The following CPAMD8 variants were observed in gnomAD, a reference collection of about 807,000 sequenced individuals.
CPAMD8 encodes the protein C3 and PZP like alpha-2-macroglobulin domain containing 8.
A neutral mutation model predicts 224.7 loss-of-function variants in CPAMD8; 146 were observed. The observed-to-expected ratio is 0.65, with a 90% CI of 0.57 to 0.75. The LOEUF (loss-of-function observed/expected upper bound fraction) is 0.75, where lower values mean the gene tolerates loss of function less well. Ranked by LOEUF, CPAMD8 falls within the 30% of genes least tolerant of loss-of-function variation. The pLI is 0.00. For synonymous variants in CPAMD8, 966 were observed against 1,044.6 expected, an observed-to-expected ratio of 0.92 and a Z score of 1.45; for missense variants, 2,301 against 2,537.5, an observed-to-expected ratio of 0.91 and a Z score of 2.00.
intron 19 of CPAMD8, among the ~76,000 whole-genome samples, chr19:16,956,130 C>T (rs138087301): frequency 6.6e-6 from 1 of 152,186 alleles, no homozygotes; most frequent in Non-Finnish European, 1.5e-5. Flanking sequence ...ATCCCAAATC[C>T]CTGGCTCTCC....
chr19:16,974,433 C>G (rs1456315681), intron 17 of CPAMD8, among the ~76,000 whole-genome samples: 3 of 151,668 alleles, frequency 2.0e-5, no homozygotes, highest in Non-Finnish European at 4.4e-5. Context: ...TGCTTGAAAG[C>G]TGCCAGACAC....
intron 12 of CPAMD8, 143 bp from the exon 13 acceptor site, chr19:16,989,914 G>A: frequency 1.3e-6 from 1 of 771,062 alleles, no homozygotes; most frequent in Non-Finnish European, 2.2e-6. Flanking sequence ...CCAATCCTCA[G>A]GGAGTAATAG....
rs190913315 is a variant in CPAMD8 at position 16,898,668 on chromosome 19, T to G, written c.4849-674A>C. Among the ~76,000 whole-genome samples, 55 of 152,322 alleles carry G rather than the reference T, an allele frequency of 3.6e-4. No individual in the cohort carries two copies. The highest frequency in any genetic ancestry group is 1.2e-3 in the African/African-American group (51 of 41,574). On this transcript the variant is annotated intron_variant, in intron 37 of 41. Transcript: ENST00000443236. This position sits in a 1 kb window ranked among gnomAD's most constrained non-coding sequence, Gnocchi z 4.2. ...TTTCCAACTCTACGGATTTGCCTGT[T>G]CTGGGCATTTCATGTCAATGGAATC...
chr19:17,002,155 T>C, intron 9 of CPAMD8, 111 bp downstream of exon 9: 1 of 691,828 alleles, frequency 1.4e-6, no homozygotes, highest in Non-Finnish European at 2.6e-6. Context: ...GGCACACCCA[T>C]GTGGGAGGGA....
At chr19:16,938,502 C>T in intron 22 of CPAMD8, 56 bp from the exon 23 acceptor site, 1 of 969,412 alleles carries the variant, frequency 1.0e-6, no homozygotes, top group South Asian at 1.5e-5. Flanking sequence ...GGATGGTCAG[C>T]TCAGCGGAGC....
At chr19:16,906,407 T>TTTCTCTCTTTCCTTCC (rs1196710399) in intron 30 of CPAMD8, among the ~76,000 whole-genome samples, 5 of 69,866 alleles carry the variant, frequency 7.2e-5, no homozygotes, top group African/African-American at 3.2e-4. Flanking sequence ...TCTTTCTTTC[T>TTTCTCTCTTTCCTTCC]TTCCTTCCTT....
At chr19:16,949,369 G>A (rs2054228114) in intron 20 of CPAMD8, among the ~76,000 whole-genome samples, 1 of 152,248 alleles carries the variant, frequency 6.6e-6, no homozygotes, top group South Asian at 2.1e-4. Context: ...CAACCTACAG[G>A]TCAGGGCATA....
At chr19:16,989,622 G>C (rs1295717952) in intron 13 of CPAMD8, 21 bp downstream of exon 13, 1 of 1,611,640 alleles carries the variant, frequency 6.2e-7, no homozygotes. Context: ...GCCCAGGAAG[G>C]GTAGCTCCTG....
chr19:16,976,186 G>A, intron 15 of CPAMD8, 35 bp from the exon 16 acceptor site: 6 of 1,584,670 alleles, frequency 3.8e-6, no homozygotes, highest in East Asian at 2.3e-5. Flanking sequence ...AAGAAACTTG[G>A]TTCAGTTGGC....
At chr19:16,971,895 G>A (rs761446407) in intron 17 of CPAMD8, among the ~76,000 whole-genome samples, 8 of 151,792 alleles carry the variant, frequency 5.3e-5, no homozygotes, top group South Asian at 2.1e-4. Context: ...AAAAATACAA[G>A]AATTAGCCAG....
intron 29 of CPAMD8, among the ~76,000 whole-genome samples, chr19:16,908,532 T>C (rs2052609604): frequency 6.6e-6 from 1 of 152,146 alleles, no homozygotes; most frequent in Non-Finnish European, 1.5e-5. Context: ...CAGAATCTAC[T>C]GATGGTTTTG....
At chr19:17,020,424 TCA>T in intron 2 of CPAMD8, 71 bp from the exon 3 acceptor site, 1 of 1,117,452 alleles carries the variant, frequency 8.9e-7, no homozygotes. Context: ...AGCTGCAGCC[TCA>T]CAAACCACAA....
intron 18 of CPAMD8, among the ~76,000 whole-genome samples, chr19:16,958,385 T>A (rs2054541507): frequency 6.6e-6 from 1 of 152,216 alleles, no homozygotes; most frequent in Non-Finnish European, 1.5e-5. Flanking sequence ...GGTTTTCTGT[T>A]CCTGCATTAG....
Position 16,977,537 on chromosome 19 carries a change from G to A in CPAMD8, c.1589C>T (p.Pro530Leu), listed in dbSNP as rs1002061231. The change falls in exon 15 of 42, where the codon CCC (proline) becomes CTC (leucine). Residue 530 changes from proline (P) to leucine (L), a missense_variant. Physicochemically the swap from Pro to Leu is moderately conservative, Grantham distance 98. This residue lies in a region of CPAMD8 where 301 missense variants were observed against 406.6 expected (regional missense o/e 0.74). Coordinates refer to ENST00000443236, the MANE Select transcript of CPAMD8 (RefSeq NM_015692.5). Reference sequence around the variant, plus strand: ...GACCTCAGCTTCTGGGGCTGGTGGGGGCTCTGAGGTGAGCAAAAGTAGAGA... The same window carrying A: ...GACCTCAGCTTCTGGGGCTGGTGGGAGCTCTGAGGTGAGCAAAAGTAGAGA... ...IRLTHLSETEPPPAPEAEVDV... is the reference protein window; with the variant it reads ...IRLTHLSETELPPAPEAEVDV... 2 of 1,580,768 alleles carry A rather than the reference G, an allele frequency of 1.3e-6. No homozygotes were observed. The highest frequency in any genetic ancestry group is 2.3e-5 in the South Asian group (2 of 87,152).
chr19:16,912,693 G>A (rs1264994772), intron 29 of CPAMD8, among the ~76,000 whole-genome samples: 1 of 152,042 alleles, frequency 6.6e-6, no homozygotes, highest in Non-Finnish European at 1.5e-5. Flanking sequence ...GGGACTCACA[G>A]CCCTCACCCC....
chr19:16,904,176 A>AGGCCCCCCCCC, intron 32 of CPAMD8, 50 bp downstream of exon 32: 7 of 937,338 alleles, frequency 7.5e-6, no homozygotes, highest in Non-Finnish European at 1.2e-5. Context: ...GACTGCAGGG[A>AGGCCCCCCCCC]CCCCACCCAC....
chr19:16,902,655 C>A lies in CPAMD8; in HGVS notation c.4679G>T (p.Cys1560Phe). ...HQEYKVMLEVCTRWLHAGSSN... is the reference protein window; with the variant it reads ...HQEYKVMLEVFTRWLHAGSSN... ...GCAGGGCAGGTGGCCTTACCTGGTG[C>A]ACACCTCCAGCATCACCTTGTATTC... Residue 1560 changes from cysteine (C) to phenylalanine (F), a missense_variant, in exon 35 of 42, where the codon TGC (cysteine) becomes TTC (phenylalanine). Physicochemically the swap from Cys to Phe is radical, Grantham distance 205 (BLOSUM62 -2). This residue lies in a region of CPAMD8 where 1,709 missense variants were observed against 1,753.2 expected (regional missense o/e 0.97). Coordinates refer to ENST00000443236, the MANE Select transcript of CPAMD8 (RefSeq NM_015692.5). 6.2e-7 allele frequency: 1 copy of A among 1,605,114 alleles called. No homozygotes were observed. Among genetic ancestry groups the A allele is most frequent in the South Asian group, 1.1e-5 (1 of 90,566 alleles).
chr19:17,005,089 A>C (rs8112545), intron 7 of CPAMD8, among the ~76,000 whole-genome samples: 118,085 of 151,294 alleles, frequency 0.78, 46,662 homozygotes, highest in African/African-American at 0.91. Flanking sequence ...GCATCCTGTA[A>C]ACTGAGGGGT....
chr19:16,927,111 C>G (rs1237663989), intron 25 of CPAMD8, among the ~76,000 whole-genome samples: 1 of 152,064 alleles, frequency 6.6e-6, no homozygotes, highest in South Asian at 2.1e-4. Context: ...AGCACCTGGG[C>G]TACTAGAGGC....
Sources: gnomAD v4.1 joint callset for allele counts (sites outside exome capture counted in the v4.1 genomes callset) on GRCh38, gnomAD v4.1.1 for gene constraint, gnomAD v4.1.1 regional missense constraint, Gnocchi (gnomAD v3.1) non-coding constraint, MANE v1.5 for transcripts, NCBI Gene and HGNC (gene_info 2026-07-23, HGNC 2026-07-21) for gene names.